NUDT3: variants seen among roughly 807,000 people sequenced by gnomAD.
The protein encoded by NUDT3 is nudix hydrolase 3, also known as diphosphoinositol polyphosphate phosphohydrolase 1.
In NUDT3, 9 loss-of-function variants were observed where a neutral mutation model predicts 23.6. That is an observed-to-expected ratio of 0.38 (90% CI 0.23 to 0.66). NUDT3 has a LOEUF of 0.66. Ranked by LOEUF, NUDT3 falls within the 30% of genes least tolerant of loss-of-function variation. The probability of loss-of-function intolerance (pLI) is 0.52; values close to 1 mark genes in which losing one functional copy is unlikely to be tolerated. For synonymous variants in NUDT3, 86 were observed against 82.6 expected (o/e 1.04, Z -0.22); for missense variants, 172 against 218.5 (o/e 0.79, Z 1.34).
At chr6:34,341,659 G>A (rs1462332815) in intron 2 of NUDT3, among the ~76,000 whole-genome samples, 2 of 152,232 alleles carry the variant, frequency 1.3e-5, no homozygotes, top group Non-Finnish European at 2.9e-5. Context: ...AAAGTCATGG[G>A]AAGTCTGGCA....
Position 34,288,706 on chromosome 6 carries a change from C to T in NUDT3, c.*47G>A. 3.2e-6 allele frequency: 5 copies of T among 1,575,218 alleles called. No individual in the cohort carries two copies. Among genetic ancestry groups the T allele is most frequent in the Non-Finnish European group, 4.3e-6 (5 of 1,162,956 alleles). ...GCCAGGGTGAGAGGGAAGATTTGCA[C>T]TTCAGTCTAGTTTCCAATTTCCATT... On this transcript the variant is annotated 3_prime_UTR_variant, in exon 5 of 5. Transcript: ENST00000607016.
rs1764466681 is a variant in NUDT3 at position 34,351,215 on chromosome 6, A to AAAAAAC, written c.100-9244_100-9243insGTTTTT. Among the ~76,000 whole-genome samples the AAAAAAC allele has an allele frequency of 1.5e-5, 2 of 136,870 alleles. 1 individual carries two copies. The highest frequency in any genetic ancestry group is 3.2e-5 in the Non-Finnish European group (2 of 63,480). The allele number at this position is 136,870 out of a possible 152,430, so 89.8% of individuals were successfully genotyped here. ...CCCCTGCCTAAAAAAAAAAAAAAAAAAAAAAAAAAAACACTTTGGGAGGCC... is the reference window on the plus strand; with the variant it reads ...CCCCTGCCTAAAAAAAAAAAAAAAAAAAAAACAAAAAAAAAAACACTTTGGGAGGCC... On this transcript the variant is annotated intron_variant, in intron 1 of 4. Coordinates refer to ENST00000607016, the MANE Select transcript of NUDT3 (RefSeq NM_006703.4).
chr6:34,323,031 TGA>T (rs1320423194), intron 2 of NUDT3, among the ~76,000 whole-genome samples: 1 of 152,174 alleles, frequency 6.6e-6, no homozygotes, highest in Non-Finnish European at 1.5e-5. Context: ...TTCTCACTTA[TGA>T]GTGGGAGTTA....
intron 1 of NUDT3, among the ~76,000 whole-genome samples, chr6:34,362,853 GA>G (rs1764671558): frequency 6.6e-6 from 1 of 152,118 alleles, no homozygotes. Flanking sequence ...TACACTTGAG[GA>G]AACTGGTTTA....
At chr6:34,380,603 C>T (rs768859321) in intron 1 of NUDT3, among the ~76,000 whole-genome samples, 6 of 152,138 alleles carry the variant, frequency 3.9e-5, no homozygotes, top group Non-Finnish European at 8.8e-5. Flanking sequence ...TGGTTGATTT[C>T]ACTGTTAGTT....
chr6:34,309,817 T>C (rs1763744004), intron 2 of NUDT3, among the ~76,000 whole-genome samples: 1 of 152,158 alleles, frequency 6.6e-6, no homozygotes, highest in Non-Finnish European at 1.5e-5. Context: ...TGAACAACCC[T>C]GTGCCCATGG....
Position 34,392,468 on chromosome 6 carries a change from G to A in NUDT3, c.-106C>T. 1 of 720,410 alleles carries A rather than the reference G, an allele frequency of 1.4e-6. No homozygotes were observed. The highest frequency in any genetic ancestry group is 2.3e-6 in the Non-Finnish European group (1 of 439,674). The allele number at this position is 720,410 out of a possible 1,614,324, so 44.6% of individuals were successfully genotyped here. A position where few individuals can be genotyped will look rare whatever the true frequency, so the allele number is the denominator to read the frequency against. On this transcript the variant is annotated 5_prime_UTR_variant, in exon 1 of 5. Transcript: ENST00000607016. Reference sequence around the variant, plus strand: ...CGCGCCCCCGGCTCGGCCAAGGGAAGCAGGGAGGGGGAGCTTCTCCGCTAC... The same window carrying A: ...CGCGCCCCCGGCTCGGCCAAGGGAAACAGGGAGGGGGAGCTTCTCCGCTAC...
intron 1 of NUDT3, among the ~76,000 whole-genome samples, chr6:34,342,915 C>G (rs1196677234): frequency 6.6e-6 from 1 of 152,144 alleles, no homozygotes; most frequent in Non-Finnish European, 1.5e-5. Flanking sequence ...CAGTCATCCC[C>G]AGCCTCTTCC....
chr6:34,343,089 C>G (rs1048598443), intron 1 of NUDT3, among the ~76,000 whole-genome samples: 3 of 152,174 alleles, frequency 2.0e-5, no homozygotes, highest in Non-Finnish European at 4.4e-5. Context: ...AATCCATACT[C>G]AGTCACTAAT....
chr6:34,288,693 G>T lies in NUDT3; in HGVS notation c.*60C>A. The T allele has an allele frequency of 6.4e-7, 1 of 1,553,108 alleles. No individual in the cohort carries two copies. The highest frequency in any genetic ancestry group is 1.2e-5 in the South Asian group (1 of 80,442). The stretch of plus-strand genomic sequence containing the variant: ...AGAAGTGGAAAGAGCCAGGGTGAGA[G>T]GGAAGATTTGCACTTCAGTCTAGTT... On this transcript the variant is annotated 3_prime_UTR_variant, in exon 5 of 5. Transcript: ENST00000607016.
intron 1 of NUDT3, among the ~76,000 whole-genome samples, chr6:34,367,965 G>A (rs1167527300): frequency 2.0e-5 from 3 of 152,220 alleles, no homozygotes; most frequent in Admixed American, 1.3e-4. Context: ...CACTTTGGGA[G>A]GCTGAGGCAG....
At chr6:34,370,987 TG>T (rs1189693018) in intron 1 of NUDT3, among the ~76,000 whole-genome samples, 1 of 151,914 alleles carries the variant, frequency 6.6e-6, no homozygotes, top group African/African-American at 2.4e-5. Flanking sequence ...GGCACGTACC[TG>T]TAATCCCAGC....
intron 2 of NUDT3, among the ~76,000 whole-genome samples, chr6:34,327,336 C>CA (rs896714052): frequency 3.3e-5 from 5 of 151,914 alleles, no homozygotes; most frequent in African/African-American, 1.2e-4. Flanking sequence ...CGAGACCATC[C>CA]TGGCCAACAT....
intron 2 of NUDT3, among the ~76,000 whole-genome samples, chr6:34,299,767 G>A (rs919904396): frequency 7.9e-5 from 12 of 151,604 alleles, no homozygotes; most frequent in African/African-American, 2.7e-4. Flanking sequence ...TTACCCGGGC[G>A]TGGTGGGTGC....
chr6:34,375,798 A>T (rs182928327), intron 1 of NUDT3, among the ~76,000 whole-genome samples: 2 of 152,172 alleles, frequency 1.3e-5, no homozygotes, highest in Admixed American at 6.6e-5. Flanking sequence ...TTCTTCTAAC[A>T]GTTTTATAAA....
At chr6:34,359,082 T>C (rs1174526095) in intron 1 of NUDT3, among the ~76,000 whole-genome samples, 3 of 152,018 alleles carry the variant, frequency 2.0e-5, no homozygotes, top group South Asian at 2.1e-4. Context: ...CACATTAAGA[T>C]TGAGAATTCG....
At chr6:34,374,365 T>C (rs935770048) in intron 1 of NUDT3, among the ~76,000 whole-genome samples, 4 of 152,138 alleles carry the variant, frequency 2.6e-5, no homozygotes, top group South Asian at 2.1e-4. Flanking sequence ...GGTTCACAAA[T>C]GTAAAGATTC....
chr6:34,320,023 A>G (rs538099643), intron 2 of NUDT3, among the ~76,000 whole-genome samples: 41 of 152,204 alleles, frequency 2.7e-4, no homozygotes, highest in Non-Finnish European at 5.3e-4. Context: ...ATATCACAAC[A>G]GTAAAGAGAA....
At chr6:34,312,770 C>T (rs911705710) in intron 2 of NUDT3, among the ~76,000 whole-genome samples, 17 of 152,186 alleles carry the variant, frequency 1.1e-4, no homozygotes, top group African/African-American at 3.6e-4. Flanking sequence ...TCCGAGTCCA[C>T]GATGTCCTTC....
Sources: gnomAD v4.1 joint callset for allele counts (sites outside exome capture counted in the v4.1 genomes callset) on GRCh38, gnomAD v4.1.1 for gene constraint, MANE v1.5 for transcripts, NCBI Gene and HGNC (gene_info 2026-07-23, HGNC 2026-07-21) for gene names.